DIP2C: variants seen among roughly 807,000 people sequenced by gnomAD.
DIP2C encodes the protein disco-interacting protein 2 homolog C.
DIP2C carries 33 observed loss-of-function variants against 192.4 expected under a neutral mutation model. The ratio of observed to expected loss-of-function variants is 0.17; its 90% CI spans 0.13 to 0.23. The LOEUF (loss-of-function observed/expected upper bound fraction) is 0.23. DIP2C is among the 10% of genes least tolerant of loss of function. The pLI is 1.00. For missense variants in DIP2C, 1,537 were observed against 2,110.1 expected (o/e 0.73, Z 5.32); for synonymous variants, 979 against 864.1 (o/e 1.13, Z -2.33).
intron 1 of DIP2C, among the ~76,000 whole-genome samples, chr10:527,356 T>TA (rs1847112442): frequency 6.6e-6 from 1 of 152,328 alleles, no homozygotes; most frequent in South Asian, 2.1e-4. Flanking sequence ...GCTGATTAGC[T>TA]AAAATCACCC....
chr10:619,848 GC>G (rs1853746970), intron 1 of DIP2C, among the ~76,000 whole-genome samples: 1 of 152,144 alleles, frequency 6.6e-6, no homozygotes, highest in Non-Finnish European at 1.5e-5. Context: ...GGAGGCACCC[GC>G]CCGTGGATGG....
intron 9 of DIP2C, among the ~76,000 whole-genome samples, chr10:407,225 C>T (rs774800692): frequency 2.0e-5 from 3 of 152,214 alleles, no homozygotes; most frequent in African/African-American, 4.8e-5. Flanking sequence ...AACGGAATCA[C>T]GCAATACCTG....
intron 4 of DIP2C, among the ~76,000 whole-genome samples, chr10:423,617 T>C (rs748541605): frequency 9.9e-5 from 15 of 152,030 alleles, no homozygotes; most frequent in Non-Finnish European, 1.9e-4. Context: ...GTGTGTTAGA[T>C]ACCCATGCAG....
chr10:450,348 G>A (rs1251696292), intron 3 of DIP2C, among the ~76,000 whole-genome samples: 2 of 152,224 alleles, frequency 1.3e-5, no homozygotes, highest in Non-Finnish European at 2.9e-5. Context: ...GTCAGGATCT[G>A]GCACCTTGAC....
intron 32 of DIP2C, among the ~76,000 whole-genome samples, chr10:293,475 T>A (rs1589406317): frequency 1.3e-5 from 2 of 152,330 alleles, no homozygotes; most frequent in East Asian, 3.9e-4. Context: ...ATTTGAAGCA[T>A]TTAAAATACC....
chr10:647,264 G>A (rs1057206006), intron 1 of DIP2C, among the ~76,000 whole-genome samples: 7 of 138,014 alleles, frequency 5.1e-5, no homozygotes, highest in African/African-American at 1.6e-4. Context: ...CGTCCACATT[G>A]GACGGTGGGA....
rs921650702 is a variant in DIP2C, at chr10:364,596, C to A, written c.2269-14G>T. On this transcript the variant is annotated splice_polypyrimidine_tract_variant and intron_variant, in intron 19 of 36. Transcript: ENST00000280886. The stretch of plus-strand genomic sequence containing the variant: ...CATGGGAAACACCTGGGGGAAACAG[C>A]ATCCATCAGGCCACTGTTCATGTGG... 1 of 1,611,492 alleles carries A rather than the reference C, an allele frequency of 6.2e-7. No homozygotes were observed. The highest frequency in any genetic ancestry group is 1.7e-5 in the Admixed American group (1 of 59,968).
chr10:284,532 G>C (rs1450637392), intron 34 of DIP2C, among the ~76,000 whole-genome samples: 1 of 152,170 alleles, frequency 6.6e-6, no homozygotes, highest in Non-Finnish European at 1.5e-5. Flanking sequence ...TCACTCATGT[G>C]GAATCTAAAA....
intron 31 of DIP2C, among the ~76,000 whole-genome samples, chr10:313,648 G>A (rs1468421203): frequency 6.6e-6 from 1 of 152,226 alleles, no homozygotes; most frequent in Non-Finnish European, 1.5e-5. Context: ...TTTTCCAGCA[G>A]GGACCTGAGC....
intron 17 of DIP2C, among the ~76,000 whole-genome samples, chr10:371,832 C>G (rs1337761989): frequency 1.3e-5 from 2 of 152,234 alleles, no homozygotes; most frequent in African/African-American, 4.8e-5. Flanking sequence ...AGAAGTGAGA[C>G]AAGTTTCTGT....
At chr10:441,361 C>T (rs1191420128) in intron 3 of DIP2C, among the ~76,000 whole-genome samples, 2 of 140,976 alleles carry the variant, frequency 1.4e-5, no homozygotes, top group African/African-American at 6.5e-5. Context: ...GCATGCCTCG[C>T]ACCCCAACTC....
intron 2 of DIP2C, among the ~76,000 whole-genome samples, chr10:485,201 C>G (rs1008504315): frequency 4.6e-5 from 7 of 152,226 alleles, no homozygotes; most frequent in Admixed American, 3.9e-4. Flanking sequence ...AAAGTTAAAA[C>G]CAACAGCGTC....
rs202223122 is a variant in DIP2C at position 362,548 on chromosome 10, G to C, written c.2736C>G (p.Val912=). 6.2e-7 allele frequency: 1 copy of C among 1,614,102 alleles called. No homozygotes were observed. The highest frequency in any genetic ancestry group is 8.5e-7 in the Non-Finnish European group (1 of 1,179,986). ...TGACGCAGGTGTGGGGGCACATTAGGACATTGCAGGGGTGCAGAGAGCCCT... is the reference window on the plus strand; with the variant it reads ...TGACGCAGGTGTGGGGGCACATTAGCACATTGCAGGGGTGCAGAGAGCCCT... The part of the protein sequence containing the change: ...FLEGSLHPCN[V]LMCPHTCVTN... The change falls in exon 22 of 37, where the codon GTC becomes GTG. Residue 912 remains valine (V), a synonymous_variant. Coordinates refer to ENST00000280886, the MANE Select transcript of DIP2C (RefSeq NM_014974.3).
intron 29 of DIP2C, among the ~76,000 whole-genome samples, chr10:332,849 A>AT (rs1413558041): frequency 1.3e-5 from 2 of 152,210 alleles, no homozygotes; most frequent in East Asian, 3.9e-4. Context: ...GCCAGCAGGC[A>AT]TGCCATCCAG....
intron 1 of DIP2C, among the ~76,000 whole-genome samples, chr10:620,120 G>A (rs1272004033): frequency 6.6e-6 from 1 of 152,194 alleles, no homozygotes; most frequent in African/African-American, 2.4e-5. Flanking sequence ...TATTTACGGA[G>A]GACGCCACAG....
At chr10:535,617 C>G (rs941398592) in intron 1 of DIP2C, among the ~76,000 whole-genome samples, 1 of 152,188 alleles carries the variant, frequency 6.6e-6, no homozygotes, top group Non-Finnish European at 1.5e-5. Flanking sequence ...ATCCCACACT[C>G]GTCACTGCTG....
intron 31 of DIP2C, among the ~76,000 whole-genome samples, chr10:316,146 C>G (rs1442700048): frequency 6.6e-6 from 1 of 152,084 alleles, no homozygotes; most frequent in African/African-American, 2.4e-5. Context: ...CTTCTACTGA[C>G]TCTTTCTAGG....
chr10:552,037 C>CA (rs1245000021), intron 1 of DIP2C, among the ~76,000 whole-genome samples: 1 of 152,240 alleles, frequency 6.6e-6, no homozygotes, highest in Non-Finnish European at 1.5e-5. Context: ...GTGGTGGCTA[C>CA]AGCTTCGGAA....
At position 382,744 on chromosome 10, in the gene DIP2C, C is replaced by T. The variant is rs754698560; in HGVS notation, c.1894G>A (p.Asp632Asn). The change falls in exon 17 of 37, where the codon GAT (aspartate) becomes AAT (asparagine). Residue 632 changes from aspartate to asparagine, a missense_variant. Asp to Asn is a conservative substitution (Grantham distance 23). Around this residue, in one of 4 missense-constraint regions of DIP2C, gnomAD observed 677 missense variants for 989.9 expected, o/e 0.68. Coordinates refer to ENST00000280886, the MANE Select transcript of DIP2C (RefSeq NM_014974.3). ...CTTTGGAAGACATTGAGAAATGCAT[C>T]GCAAGAAGAAATAGACCCTAGAGTG... ...GANPWSISSC[D>N]AFLNVFQSKG... 3.7e-6 allele frequency: 6 copies of T among 1,612,398 alleles called. No homozygotes were observed. The highest frequency in any genetic ancestry group is 1.1e-5 in the South Asian group (1 of 90,678).
Sources: allele counts gnomAD v4.1 joint callset (sites outside exome capture counted in the v4.1 genomes callset), GRCh38; gene constraint gnomAD v4.1.1; regional missense constraint gnomAD v4.1.1; transcripts MANE v1.5; gene names NCBI Gene and HGNC (gene_info 2026-07-23, HGNC 2026-07-21).